RNF169: variants seen among roughly 807,000 people sequenced by gnomAD.
RNF169 encodes the protein E3 ubiquitin-protein ligase RNF169.
Under a neutral mutation model 53.9 loss-of-function variants are expected in RNF169, and 24 were observed. The ratio of observed to expected loss-of-function variants is 0.45; its 90% CI spans 0.32 to 0.63. RNF169 has a LOEUF of 0.63. Ranked by LOEUF, RNF169 falls within the 20% of genes least tolerant of loss-of-function variation. The pLI is 0.04. For missense variants in RNF169, 883 were observed against 906.2 expected (o/e 0.97, Z 0.33); for synonymous variants, 396 against 363.5 (o/e 1.09, Z -1.02).
intron 2 of RNF169, among the ~76,000 whole-genome samples, chr11:74,793,648 C>T (rs1416143137): frequency 2.0e-5 from 3 of 152,204 alleles, no homozygotes; most frequent in African/African-American, 4.8e-5. Context: ...GTGTTCTTAA[C>T]ATCCTTTCTA....
At chr11:74,808,268 A>T (rs1390286597) in intron 2 of RNF169, 3 of 152,224 alleles carry the variant, frequency 2.0e-5, no homozygotes, top group Non-Finnish European at 2.9e-5. Flanking sequence ...AAGCCAGAGA[A>T]CATAGTATGT....
intron 1 of RNF169, among the ~76,000 whole-genome samples, chr11:74,775,066 T>G (rs1246048164): frequency 6.6e-6 from 1 of 152,242 alleles, no homozygotes; most frequent in Non-Finnish European, 1.5e-5. Flanking sequence ...GATAAATGGG[T>G]CAGTACCTAC....
intron 1 of RNF169, among the ~76,000 whole-genome samples, chr11:74,777,658 T>C (rs1437619889): frequency 6.6e-6 from 1 of 152,142 alleles, no homozygotes; most frequent in Non-Finnish European, 1.5e-5. Flanking sequence ...TTAAATTTTT[T>C]TTTTTTTGAG....
At position 74,837,103 on chromosome 11, in the gene RNF169, G is replaced by A. The variant is rs1156760011; in HGVS notation, c.*373G>A. The stretch of plus-strand genomic sequence containing the variant: ...CAGGGTATTGTTTTAAATCAGCCTT[G>A]CAGATAAAAATTAATTCCATCTTTT... On this transcript the variant is annotated 3_prime_UTR_variant, in exon 6 of 6. Coordinates refer to ENST00000299563, the MANE Select transcript of RNF169 (RefSeq NM_001098638.2). 1.2e-5 allele frequency: 2 copies of A among 165,348 alleles called. No homozygotes were observed. The highest frequency in any genetic ancestry group is 4.8e-5 in the African/African-American group (2 of 41,812). 10.2% of individuals were successfully genotyped at this position (165,348 alleles called of 1,614,324 possible).
At chr11:74,797,688 A>G (rs972969989) in intron 2 of RNF169, among the ~76,000 whole-genome samples, 2 of 152,110 alleles carry the variant, frequency 1.3e-5, no homozygotes, top group Non-Finnish European at 2.9e-5. Flanking sequence ...GATATATTTT[A>G]TGATTTCTGG....
intron 2 of RNF169, among the ~76,000 whole-genome samples, chr11:74,803,618 A>G (rs1199153618): frequency 1.3e-5 from 2 of 152,232 alleles, no homozygotes; most frequent in Admixed American, 1.3e-4. Flanking sequence ...ATAGGCTCCT[A>G]TAAGCCCATC....
chr11:74,830,450 G>A (rs2036161754), intron 4 of RNF169: 1 of 151,930 alleles, frequency 6.6e-6, no homozygotes, highest in Admixed American at 6.6e-5. Flanking sequence ...TAGAGTGAAT[G>A]TAATGAAATG....
intron 2 of RNF169, among the ~76,000 whole-genome samples, chr11:74,798,097 C>T (rs1381577203): frequency 1.3e-5 from 2 of 152,116 alleles, no homozygotes; most frequent in Non-Finnish European, 2.9e-5. Context: ...ATTGCATTAA[C>T]TGCACAAGTT....
At chr11:74,785,450 G>A (rs2035486351) in intron 1 of RNF169, among the ~76,000 whole-genome samples, 1 of 150,686 alleles carries the variant, frequency 6.6e-6, no homozygotes, top group Non-Finnish European at 1.5e-5. Context: ...CAAAAAAAAA[G>A]TGAGGATTTT....
rs182039558 is a variant in RNF169, at chr11:74,798,706, G to T, written c.576+9007G>T. On this transcript the variant is annotated intron_variant, in intron 2 of 5. Coordinates refer to ENST00000299563, the MANE Select transcript of RNF169 (RefSeq NM_001098638.2). ...TAATAAAAACTTGCTGGTTTTTGCG[G>T]CTTGGGCATCACGGAACCTACTGAC... 1.8e-4 allele frequency among the ~76,000 whole-genome samples: 27 copies of T among 152,208 alleles called. No homozygotes were observed. In the East Asian group the frequency reaches 4.4e-3, roughly 25 times the overall value.
rs572676804 is a variant in RNF169 at position 74,813,263 on chromosome 11, C to G, written c.723+2933C>G. Among the ~76,000 whole-genome samples the G allele has an allele frequency of 3.3e-5, 5 of 152,178 alleles. No individual in the cohort carries two copies. The East Asian group carries it at 9.7e-4, about 29-fold the overall frequency. Reference sequence around the variant, plus strand: ...TAGGAAATGTCTTATCCATTTAAATCTCCTGTAGTACCCTGCACATTGGAA... The same window carrying G: ...TAGGAAATGTCTTATCCATTTAAATGTCCTGTAGTACCCTGCACATTGGAA... On this transcript the variant is annotated intron_variant, in intron 3 of 5. Transcript: ENST00000299563.
chr11:74,779,330 T>C (rs2035383150), intron 1 of RNF169, among the ~76,000 whole-genome samples: 1 of 152,140 alleles, frequency 6.6e-6, no homozygotes, highest in African/African-American at 2.4e-5. Context: ...ACCATAGTAG[T>C]AATCGGTGGT....
chr11:74,778,876 C>T (rs981908570), intron 1 of RNF169, among the ~76,000 whole-genome samples: 5 of 152,184 alleles, frequency 3.3e-5, no homozygotes, highest in African/African-American at 7.2e-5. Context: ...TCCACCATAT[C>T]GGTTATTCTC....
intron 1 of RNF169, among the ~76,000 whole-genome samples, chr11:74,751,101 C>T (rs1414294304): frequency 2.6e-5 from 4 of 151,956 alleles, no homozygotes; most frequent in East Asian, 1.9e-4. Context: ...GAACCCCTGG[C>T]GTCAAGTGAT....
chr11:74,817,787 A>G, intron 4 of RNF169, 73 bp downstream of exon 4: 2 of 943,276 alleles, frequency 2.1e-6, no homozygotes, highest in South Asian at 2.7e-5. Flanking sequence ...CTGGGGGAGC[A>G]AAGGTATTTG....
intron 4 of RNF169, among the ~76,000 whole-genome samples, chr11:74,819,223 A>T (rs779843053): frequency 1.3e-5 from 2 of 152,180 alleles, no homozygotes; most frequent in Non-Finnish European, 2.9e-5. Flanking sequence ...CTTCTCTTGG[A>T]ACATGGACTC....
intron 4 of RNF169, 45 bp from the exon 5 acceptor site, chr11:74,834,631 T>C (rs755596425): frequency 2.8e-6 from 4 of 1,433,698 alleles, no homozygotes; most frequent in Non-Finnish European, 3.9e-6. Context: ...CTTACCTATA[T>C]ATGGACTAAT....
At chr11:74,776,511 C>A (rs77806878) in intron 1 of RNF169, among the ~76,000 whole-genome samples, 1,326 of 81,074 alleles carry the variant, frequency 0.016, no homozygotes, top group Middle Eastern at 0.038. Context: ...TTCATTCAGC[C>A]AAAAAAAAAA....
chr11:74,772,071 A>G (rs1015631638), intron 1 of RNF169, among the ~76,000 whole-genome samples: 3 of 152,216 alleles, frequency 2.0e-5, no homozygotes, highest in Non-Finnish European at 4.4e-5. Context: ...AAATGCTTTG[A>G]TGTATAAACT....
Sources: gnomAD v4.1 joint callset for allele counts (sites outside exome capture counted in the v4.1 genomes callset) on GRCh38, gnomAD v4.1.1 for gene constraint, MANE v1.5 for transcripts, NCBI Gene and HGNC (gene_info 2026-07-23, HGNC 2026-07-21) for gene names.